KRT75: variants seen among roughly 807,000 people sequenced by gnomAD.
The protein encoded by KRT75 is keratin, type II cytoskeletal 75.
In KRT75, 35 loss-of-function variants were observed where a neutral mutation model predicts 48.8. The observed-to-expected ratio is 0.72, with a 90% CI of 0.55 to 0.95. The LOEUF is 0.95. Among genes scored for constraint, KRT75 ranks in the 40% least tolerant of loss-of-function variants. KRT75 has a pLI of 0.00. For missense variants in KRT75, 776 were observed against 709.9 expected (o/e 1.09, Z -1.06); for synonymous variants, 301 against 282.3 (o/e 1.07, Z -0.66).
chr12:52,434,111 AG>A lies in KRT75; in HGVS notation c.193del (p.Leu65TrpfsTer67). 1 of 1,614,004 alleles carries A rather than the reference AG, an allele frequency of 6.2e-7. No homozygotes were observed. Among genetic ancestry groups the A allele is most frequent in the Non-Finnish European group, 8.5e-7 (1 of 1,179,984 alleles). On this transcript the variant is annotated frameshift_variant, in exon 1 of 9. Transcript: ENST00000252245. LOFTEE classifies it high-confidence loss of function. ...GATGGAGACCCGCTTGGCACCCCCC[AG>A]GTTGTAGAGGCTGCGGCTTCCAAAG... ...ASFGSRSLYN[L>X]GGAKRVSING...
chr12:52,432,879 G>C (rs942012557), intron 2 of KRT75, among the ~76,000 whole-genome samples, 159 bp downstream of exon 2: 41 of 152,200 alleles, frequency 2.7e-4, no homozygotes, highest in African/African-American at 9.7e-4. Context: ...GAAGGTCCTT[G>C]TGCTACCCCA....
chr12:52,424,662 A>G lies in KRT75; in HGVS notation c.1511T>C (p.Phe504Ser), dbSNP rs1403025786. 1 of 1,614,056 alleles carries G rather than the reference A, an allele frequency of 6.2e-7. No homozygotes were observed. The highest frequency in any genetic ancestry group is 1.6e-4 in the Middle Eastern group (1 of 6,062). Residue 504 changes from phenylalanine to serine, a missense_variant, in exon 9 of 9, where the codon TTC (phenylalanine) becomes TCC (serine). Transcript: ENST00000252245. ...CAGGCTATGCCCACCACTGGTGGTG[A>G]AGGAGTAGCCGCTGCCCCCACCGAG... The part of the protein sequence containing the change: ...LGLGGGSGYS[F>S]TTSGGHSLGA...
At chr12:52,430,756 A>T (rs779352661) in intron 4 of KRT75, 51 bp from the exon 5 acceptor site, 1 of 1,604,812 alleles carries the variant, frequency 6.2e-7, no homozygotes, top group Non-Finnish European at 8.5e-7. Flanking sequence ...AAGAATCTTA[A>T]ATCTTCGTGG....
rs933784395 is a variant in KRT75, at chr12:52,424,403, G to A, written c.*114C>T. On this transcript the variant is annotated 3_prime_UTR_variant, in exon 9 of 9. Transcript: ENST00000252245. The stretch of plus-strand genomic sequence containing the variant: ...GGAATGGGTATAGCCAGTACTCCAG[G>A]CTCCCAGCAGCACAGGTGCACCTTA... The A allele has an allele frequency of 9.9e-6, 10 of 1,013,806 alleles. No individual in the cohort carries two copies. The Admixed American group carries it at 1.7e-4, about 17-fold the overall frequency. 62.8% of individuals were successfully genotyped at this position (1,013,806 alleles called of 1,614,324 possible). A position where few individuals can be genotyped will look rare whatever the true frequency, so the allele number is the denominator to read the frequency against.
chr12:52,434,258 C>A lies in KRT75; in HGVS notation c.47G>T (p.Gly16Val), dbSNP rs372292345. 3 of 1,587,774 alleles carry A rather than the reference C, an allele frequency of 1.9e-6. No individual in the cohort carries two copies. The highest frequency in any genetic ancestry group is 1.7e-5 in the Admixed American group (1 of 57,874). ...SITFQSGSRRGFSTTSAITPA... is the reference protein window; with the variant it reads ...SITFQSGSRRVFSTTSAITPA... ...GGTGATGGCCGAGGTGGTGCTGAAG[C>A]CCCTGCGGCTGCCAGACTGGAAGGT... is the stretch of plus-strand genomic sequence containing the variant. Residue 16 changes from glycine to valine, a missense_variant, in exon 1 of 9, where the codon GGC (glycine) becomes GTC (valine). Transcript: ENST00000252245.
chr12:52,426,851 C>T lies in KRT75; in HGVS notation c.1383G>A (p.Arg461=), dbSNP rs146941664. The change falls in exon 8 of 9, where the codon AGG becomes AGA. Residue 461 remains arginine (R), a splice_region_variant and synonymous_variant. Transcript: ENST00000252245. The part of the protein sequence containing the change: ...YRKLLEGEEC[R]LSGEGVSPVN... ...CTGGAGAAACTCCCTCTCCACTCAA[C>T]CTGATTGGGAAGAGCAGGGAGAAGG... is the stretch of plus-strand genomic sequence containing the variant. 1.3e-4 allele frequency: 217 copies of T among 1,613,950 alleles called. 1 individual carries two copies. In the African/African-American group the frequency reaches 2.7e-3, roughly 20 times the overall value.
At chr12:52,426,451 A>G (rs1940077312) in intron 8 of KRT75, among the ~76,000 whole-genome samples, 1 of 152,234 alleles carries the variant, frequency 6.6e-6, no homozygotes, top group Non-Finnish European at 1.5e-5. Context: ...AGGAATTTTC[A>G]TAAATCCCGT....
chr12:52,427,163 G>A (rs1345217287), intron 7 of KRT75, among the ~76,000 whole-genome samples: 1 of 152,320 alleles, frequency 6.6e-6, no homozygotes, highest in East Asian at 1.9e-4. Context: ...GGCATCAACT[G>A]GAAAGAAGGG....
chr12:52,428,408 C>A lies in KRT75; in HGVS notation c.1230G>T (p.Arg410=). ...QRGELALKDA[R]AKLVDLEEAL... ...CCTCCTCAAGGTCCACCAGCTTGGC[C>A]CGTGCATCCTTGAGAGCCAGTTCTC... Residue 410 remains arginine, a synonymous_variant, in exon 7 of 9, where the codon CGG becomes CGT. Coordinates refer to ENST00000252245, the MANE Select transcript of KRT75 (RefSeq NM_004693.3). 1 of 1,614,168 alleles carries A rather than the reference C, an allele frequency of 6.2e-7. No individual in the cohort carries two copies. Among genetic ancestry groups the A allele is most frequent in the Non-Finnish European group, 8.5e-7 (1 of 1,180,038 alleles).
chr12:52,433,684 C>T (rs926076901), intron 1 of KRT75, 123 bp downstream of exon 1: 42 of 1,456,300 alleles, frequency 2.9e-5, no homozygotes, highest in South Asian at 2.7e-4. Context: ...CCTGGGAGCC[C>T]GTGCTGAACA....
rs1262265762 is a variant in KRT75, at chr12:52,424,628, G to A, written c.1545C>T (p.Gly515=). 6.2e-7 allele frequency: 1 copy of A among 1,614,160 alleles called. No individual in the cohort carries two copies. The highest frequency in any genetic ancestry group is 1.7e-5 in the Admixed American group (1 of 60,026). Residue 515 remains glycine, a synonymous_variant, in exon 9 of 9, where the codon GGC becomes GGT. Coordinates refer to ENST00000252245, the MANE Select transcript of KRT75 (RefSeq NM_004693.3). ...TGGCACTGAATCCAGAACCTCCCAG[G>A]CCTGCACCCAGGCTATGCCCACCAC... ...TTSGGHSLGA[G]LGGSGFSATS...
intron 2 of KRT75, 70 bp downstream of exon 2, chr12:52,432,968 A>T: frequency 1.3e-6 from 2 of 1,486,234 alleles, no homozygotes; most frequent in Non-Finnish European, 1.9e-6. Flanking sequence ...GCTCCTTTGC[A>T]CCTCTCTGGT....
rs1278566328 is a variant in KRT75 at position 52,433,821 on chromosome 12, A to G, written c.484T>C (p.Ser162Pro). Residue 162 changes from serine (S) to proline (P), a missense_variant, in exon 1 of 9, where the codon TCC becomes CCC. Physicochemically the swap from Ser to Pro is moderately conservative, Grantham distance 74. Transcript: ENST00000252245. ...QIKTLNNKFA[S>P]FIDKVRFLEQ... The stretch of plus-strand genomic sequence containing the variant: ...CCCCTGCTTACCTTGTCGATGAAGG[A>G]GGCGAACTTATTGTTGAGGGTCTTG... 6.2e-7 allele frequency: 1 copy of G among 1,613,974 alleles called. No homozygotes were observed. Among genetic ancestry groups the G allele is most frequent in the Non-Finnish European group, 8.5e-7 (1 of 1,179,998 alleles).
intron 7 of KRT75, among the ~76,000 whole-genome samples, chr12:52,427,725 G>T (rs1300207275): frequency 6.6e-6 from 1 of 152,150 alleles, no homozygotes; most frequent in African/African-American, 2.4e-5. Flanking sequence ...CATTTTATTG[G>T]ATGAGAACAC....
Position 52,424,452 on chromosome 12 carries a change from C to A in KRT75, c.*65G>T. 2 of 1,395,174 alleles carry A rather than the reference C, an allele frequency of 1.4e-6. No individual in the cohort carries two copies. The highest frequency in any genetic ancestry group is 2.3e-5 in the South Asian group (2 of 86,764). 86.4% of individuals were successfully genotyped at this position (1,395,174 alleles called of 1,614,324 possible). A position where few individuals can be genotyped will look rare whatever the true frequency, so the allele number is the denominator to read the frequency against. ...TACAAGGAGAGAGGAAGGAGGAGGA[C>A]CCTGGTGTCCAGGTGTGACTGCAAA... On this transcript the variant is annotated 3_prime_UTR_variant, in exon 9 of 9. Transcript: ENST00000252245.
At chr12:52,433,483 G>T (rs992817596) in intron 1 of KRT75, among the ~76,000 whole-genome samples, 1 of 151,748 alleles carries the variant, frequency 6.6e-6, no homozygotes. Flanking sequence ...TTGGGGAGCT[G>T]CTCTTGGGTT....
In KRT75 at chr12:52,428,686, G is replaced by C. The variant is rs767510112; in HGVS notation, c.1093C>G (p.Gln365Glu). The C allele has an allele frequency of 4.3e-6, 7 of 1,614,088 alleles. No individual in the cohort carries two copies. In the East Asian group the frequency reaches 1.3e-4, roughly 31 times the overall value. The part of the protein sequence containing the change: ...RHGDDLRNTK[Q>E]EISEMNRMIQ... Reference sequence around the variant, plus strand: ...ATGCGGTTCATTTCAGAGATCTCTTGTTTGGTGTTTCGAAGGTCATCCCCA... The same window carrying C: ...ATGCGGTTCATTTCAGAGATCTCTTCTTTGGTGTTTCGAAGGTCATCCCCA... The change falls in exon 6 of 9, where the codon CAA becomes GAA. Residue 365 changes from glutamine (Q) to glutamate (E), a missense_variant. By Grantham distance (29) the Gln-to-Glu change is conservative. Coordinates refer to ENST00000252245, the MANE Select transcript of KRT75 (RefSeq NM_004693.3).
chr12:52,431,749 CTG>C, intron 3 of KRT75, 111 bp from the exon 4 acceptor site: 1 of 900,936 alleles, frequency 1.1e-6, no homozygotes, highest in Non-Finnish European at 1.8e-6. Flanking sequence ...TTAGAAAACT[CTG>C]GGTCTGGGTG....
At chr12:52,429,826 G>A (rs566643180) in intron 5 of KRT75, among the ~76,000 whole-genome samples, 1 of 152,148 alleles carries the variant, frequency 6.6e-6, no homozygotes, top group Admixed American at 6.5e-5. Context: ...GCCCCAAGAG[G>A]GGTCTGGATT....
Sources: allele counts gnomAD v4.1 joint callset (sites outside exome capture counted in the v4.1 genomes callset), GRCh38; gene constraint gnomAD v4.1.1; transcripts MANE v1.5; gene names NCBI Gene and HGNC (gene_info 2026-07-23, HGNC 2026-07-21).